The following C5orf46 variants were observed in gnomAD, a reference collection of about 807,000 sequenced individuals.
The protein encoded by C5orf46 is chromosome 5 open reading frame 46.
Under a neutral mutation model 8.9 loss-of-function variants are expected in C5orf46, and 9 were observed. That is an observed-to-expected ratio of 1.01 (90% CI 0.61 to 1.76). The LOEUF is 1.76. C5orf46 is among the 40% of genes most tolerant of loss of function. C5orf46 has a pLI of 0.00. For synonymous variants in C5orf46, 47 were observed against 41.4 expected (o/e 1.14, Z -0.52); for missense variants, 98 against 107.8 (o/e 0.91, Z 0.40).
chr5:147,905,047 T>C (rs1000062454), intron 1 of C5orf46, among the ~76,000 whole-genome samples: 129 of 151,906 alleles, frequency 8.5e-4, no homozygotes, highest in African/African-American at 2.9e-3. Context: ...TCTAGTGCTT[T>C]AGAAGATAAT....
chr5:147,894,229 TA>T, intron 3 of C5orf46, among the ~76,000 whole-genome samples: 1 of 152,300 alleles, frequency 6.6e-6, no homozygotes, highest in South Asian at 2.1e-4. Context: ...AATTTGTTTT[TA>T]AGCAGGAAAG....
intron 2 of C5orf46, chr5:147,886,146 A>T (rs1258760698): frequency 1.3e-5 from 2 of 151,526 alleles, no homozygotes; most frequent in Non-Finnish European, 2.9e-5. Context: ...AGAAATAAAG[A>T]ACAAATTTGT....
downstream of C5orf46, chr5:147,892,626 TATAA>T (rs1343637795): frequency 6.6e-6 from 1 of 152,142 alleles, no homozygotes; most frequent in Non-Finnish European, 1.5e-5. Flanking sequence ...TATATAAATA[TATAA>T]ATATTCACCA....
chr5:147,895,061 T>C lies in C5orf46; in HGVS notation c.*9+1923A>G, dbSNP rs570418175. On this transcript the variant is annotated intron_variant, in intron 3 of 3. Coordinates refer to ENST00000318315, the MANE Select transcript of C5orf46 (RefSeq NM_206966.3). Reference sequence around the variant, plus strand: ...CTGGGTGACAGAGTGAGACTCTGTCTCAAAAAAAAAAAAATCAATGTTAAT... The same window carrying C: ...CTGGGTGACAGAGTGAGACTCTGTCCCAAAAAAAAAAAAATCAATGTTAAT... 6.5e-3 allele frequency among the ~76,000 whole-genome samples: 845 copies of C among 129,454 alleles called. 7 individuals are homozygous for C. Among genetic ancestry groups the C allele is most frequent in the Middle Eastern group, 0.015 (4 of 274 alleles). 84.9% of individuals were successfully genotyped at this position (129,454 alleles called of 152,430 possible).
intron 3 of C5orf46, among the ~76,000 whole-genome samples, chr5:147,894,322 C>T (rs1757547689): frequency 6.6e-6 from 1 of 151,976 alleles, no homozygotes; most frequent in Non-Finnish European, 1.5e-5. Context: ...CAATGCAGGA[C>T]AAATGGAGTT....
chr5:147,905,054 T>C (rs1757729682), intron 1 of C5orf46, among the ~76,000 whole-genome samples: 1 of 151,840 alleles, frequency 6.6e-6, no homozygotes, highest in South Asian at 2.1e-4. Context: ...CTTTAGAAGA[T>C]AATATAAATT....
chr5:147,898,631 A>G (rs936620283), intron 2 of C5orf46, among the ~76,000 whole-genome samples: 2 of 152,154 alleles, frequency 1.3e-5, no homozygotes, highest in Non-Finnish European at 2.9e-5. Flanking sequence ...AGAACCAAGC[A>G]CGTTTGGAAT....
intron 2 of C5orf46, chr5:147,886,293 T>C (rs1292770543): frequency 6.6e-6 from 1 of 152,154 alleles, no homozygotes; most frequent in African/African-American, 2.4e-5. Context: ...GGTTTTGATG[T>C]AGCAGCATAG....
Position 147,897,059 on chromosome 5 carries a change from AAAT to A in C5orf46, c.216-21_216-19del, listed in dbSNP as rs1295341538. 18 of 1,303,328 alleles carry A rather than the reference AAAT, an allele frequency of 1.4e-5. No homozygotes were observed. The highest frequency in any genetic ancestry group is 1.8e-5 in the Non-Finnish European group (17 of 920,810). The allele number at this position is 1,303,328 out of a possible 1,614,324, so 80.7% of individuals were successfully genotyped here. A position where few individuals can be genotyped will look rare whatever the true frequency, so the allele number is the denominator to read the frequency against. On this transcript the variant is annotated intron_variant, in intron 2 of 3. Transcript: ENST00000318315. Reference sequence around the variant, plus strand: ...TAAATCCTCTTGAGAAAAAAAGAGAAAATAAGAATTACAATTGAGACTGAACAG... The same window carrying A: ...TAAATCCTCTTGAGAAAAAAAGAGAAAAGAATTACAATTGAGACTGAACAG...
chr5:147,896,957 A>T, intron 3 of C5orf46, 27 bp downstream of exon 3: 1 of 1,257,212 alleles, frequency 8.0e-7, no homozygotes, highest in African/African-American at 1.5e-5. Context: ...CTGTTATTTC[A>T]GTTGTAAATT....
At chr5:147,905,402 T>A (rs1284394957) in intron 1 of C5orf46, among the ~76,000 whole-genome samples, 1 of 152,192 alleles carries the variant, frequency 6.6e-6, no homozygotes, top group African/African-American at 2.4e-5. Flanking sequence ...TGGTGCCTGG[T>A]CTTGGTATCA....
rs72827192 is a variant in C5orf46 at position 147,906,336 on chromosome 5, C to A, written c.70+96G>T. 9.9e-3 allele frequency: 6,799 copies of A among 687,350 alleles called. 50 individuals carry two copies. The highest frequency in any genetic ancestry group is 0.012 in the Non-Finnish European group (5,169 of 420,594). 42.6% of individuals were successfully genotyped at this position (687,350 alleles called of 1,614,324 possible). A position where few individuals can be genotyped will look rare whatever the true frequency, so the allele number is the denominator to read the frequency against. On this transcript the variant is annotated intron_variant, in intron 1 of 3. Transcript: ENST00000318315. ...TGCTCTTTCTGGAGTGCCCAAAGAC[C>A]CCTTCTTTCTTTTATGTTCTGAATC... is the stretch of plus-strand genomic sequence containing the variant.
At chr5:147,888,092 T>C (rs2127122182), downstream of C5orf46, among the ~76,000 whole-genome samples, 1 of 152,284 alleles carries the variant, frequency 6.6e-6, no homozygotes, top group South Asian at 2.1e-4. Flanking sequence ...TGCAACCATA[T>C]CCACTTGCAT....
intron 1 of C5orf46, among the ~76,000 whole-genome samples, chr5:147,906,015 G>A (rs1275058810): frequency 1.3e-5 from 2 of 152,100 alleles, no homozygotes; most frequent in East Asian, 3.9e-4. Context: ...TATATGTGAG[G>A]CCTAGAGAGA....
rs1285090991 is a variant in C5orf46, at chr5:147,901,667, A to C, written c.177T>G (p.Asn59Lys). 6.2e-7 allele frequency: 1 copy of C among 1,613,972 alleles called. No homozygotes were observed. Among genetic ancestry groups the C allele is most frequent in the African/African-American group, 1.3e-5 (1 of 74,916 alleles). Reference protein sequence around the residue: ...LSLLGTEIIENAVEFILRSMS... With the variant: ...LSLLGTEIIEKAVEFILRSMS... ...TGGAGCGGAGGATGAACTCGACTGC[A>C]TTCTCAATGATCTCTGTGCCCAGGA... is the stretch of plus-strand genomic sequence containing the variant. The change falls in exon 2 of 4, where the codon AAT (asparagine) becomes AAG (lysine). Residue 59 changes from asparagine to lysine, a missense_variant. Transcript: ENST00000318315.
chr5:147,889,324 T>C (rs914924750), downstream of C5orf46, among the ~76,000 whole-genome samples: 47 of 152,184 alleles, frequency 3.1e-4, no homozygotes, highest in African/African-American at 1.1e-3. Flanking sequence ...TGGATATGTT[T>C]GAACAGTCAG....
At chr5:147,896,781 C>T (rs1002264074) in intron 3 of C5orf46, among the ~76,000 whole-genome samples, 2 of 152,132 alleles carry the variant, frequency 1.3e-5, no homozygotes, top group African/African-American at 4.8e-5. Flanking sequence ...CTTCATCTCA[C>T]AGCTCTACCT....
chr5:147,888,873 T>C (rs1414647595), downstream of C5orf46, among the ~76,000 whole-genome samples: 1 of 152,210 alleles, frequency 6.6e-6, no homozygotes, highest in Non-Finnish European at 1.5e-5. Flanking sequence ...TTTAAATGCA[T>C]GCAGTTTTTG....
downstream of C5orf46, among the ~76,000 whole-genome samples, chr5:147,889,678 TTCCTC>T (rs1272181680): frequency 6.6e-6 from 1 of 152,102 alleles, no homozygotes; most frequent in Admixed American, 6.6e-5. Context: ...AAGAAAGTAA[TTCCTC>T]TCACTCTCAA....
Sources: allele counts gnomAD v4.1 joint callset (sites outside exome capture counted in the v4.1 genomes callset), GRCh38; gene constraint gnomAD v4.1.1; transcripts MANE v1.5; gene names NCBI Gene and HGNC (gene_info 2026-07-23, HGNC 2026-07-21).